Variants in PRSS55 observed in about 807,000 individuals in gnomAD.
PRSS55 encodes probable serine protease UNQ9391/PRO34284.
Under a neutral mutation model 23.6 loss-of-function variants are expected in PRSS55, and 41 were observed. The ratio of observed to expected loss-of-function variants is 1.74; its 90% confidence interval spans 1.35 to 2.26. The LOEUF is 2.26. PRSS55 is among the 30% of genes most tolerant of loss of function. The probability of loss-of-function intolerance (pLI) is 0.00; values close to 1 mark genes in which losing one functional copy is unlikely to be tolerated. For synonymous variants in PRSS55, 262 were observed against 175.5 expected, an observed-to-expected ratio of 1.49 and a Z score of -3.90; for missense variants, 669 against 439.1, an observed-to-expected ratio of 1.52 and a Z score of -4.68.
At chr8:10,552,690 A>C (rs559611428) in intron 4 of PRSS55, among the ~76,000 whole-genome samples, 2 of 152,228 alleles carry the variant, frequency 1.3e-5, no homozygotes, top group East Asian at 1.9e-4. Context: ...CTAATCATCA[A>C]GGAAATGCAA....
chr8:10,528,922 T>C (rs1436043189), intron 1 of PRSS55, among the ~76,000 whole-genome samples: 3 of 152,162 alleles, frequency 2.0e-5, no homozygotes, highest in Non-Finnish European at 4.4e-5. Flanking sequence ...TCTCTTTGCC[T>C]TTCCTCTGCA....
intron 1 of PRSS55, among the ~76,000 whole-genome samples, chr8:10,527,851 T>C (rs544623232): frequency 6.6e-6 from 1 of 152,350 alleles, no homozygotes; most frequent in Admixed American, 6.5e-5. Flanking sequence ...TGCAAAGTGC[T>C]TGCAACAGTG....
At chr8:10,538,824 G>C, downstream of PRSS55, 2 of 1,524,028 alleles carry the variant, frequency 1.3e-6, no homozygotes, top group South Asian at 2.6e-5. Flanking sequence ...TTTCAACCGA[G>C]GGAGGGTGCA....
At chr8:10,538,395 C>A in intron 4 of PRSS55, 81 bp from the exon 5 acceptor site, 1 of 1,126,234 alleles carries the variant, frequency 8.9e-7, no homozygotes, top group Non-Finnish European at 1.3e-6. Context: ...GCTGAGGAAT[C>A]TTCCATGAAT....
chr8:10,553,121 A>G (rs1244640065), intron 4 of PRSS55, among the ~76,000 whole-genome samples: 1 of 152,190 alleles, frequency 6.6e-6, no homozygotes, highest in Non-Finnish European at 1.5e-5. Context: ...GCAGTTTTCC[A>G]TATGCTATTC....
At chr8:10,532,834 C>A in intron 3 of PRSS55, 72 bp from the exon 4 acceptor site, 1 of 1,590,850 alleles carries the variant, frequency 6.3e-7, no homozygotes, top group Non-Finnish European at 8.6e-7. Context: ...GCCGAGGGCA[C>A]AGTCAGCTGC....
downstream of PRSS55, chr8:10,538,850 A>C: frequency 2.0e-6 from 3 of 1,469,798 alleles, no homozygotes; most frequent in Non-Finnish European, 2.7e-6. Context: ...GTGCGTCTCC[A>C]GCAGAGGCTC....
exon 5 of PRSS55, chr8:10,553,978 C>T (rs774526125): frequency 1.8e-5 from 27 of 1,530,196 alleles, no homozygotes; most frequent in African/African-American, 4.1e-5. Flanking sequence ...GAATGAACAC[C>T]GGAAGCTCTC....
chr8:10,527,864 T>G (rs975969792), intron 1 of PRSS55, among the ~76,000 whole-genome samples: 1 of 152,222 alleles, frequency 6.6e-6, no homozygotes, highest in Admixed American at 6.5e-5. Context: ...CAACAGTGCC[T>G]GACGCACAGT....
downstream of PRSS55, among the ~76,000 whole-genome samples, chr8:10,542,169 A>T (rs1390815345): frequency 2.0e-5 from 3 of 152,136 alleles, no homozygotes; most frequent in Non-Finnish European, 4.4e-5. Flanking sequence ...AGGCTACAGG[A>T]TTATCATGTG....
downstream of PRSS55, among the ~76,000 whole-genome samples, chr8:10,542,414 C>G (rs1375125548): frequency 2.1e-4 from 17 of 79,728 alleles, no homozygotes; most frequent in East Asian, 3.6e-4. Flanking sequence ...AAGCACCATG[C>G]GGGGGAAAAA....
downstream of PRSS55, among the ~76,000 whole-genome samples, chr8:10,543,434 TC>T (rs1812719359): frequency 6.7e-5 from 1 of 14,896 alleles, no homozygotes; most frequent in South Asian, 0.017. Context: ...CTTCCTTCCT[TC>T]CTTCCTTCCA....
chr8:10,552,310 G>A (rs1272455233), intron 4 of PRSS55, among the ~76,000 whole-genome samples: 1 of 152,184 alleles, frequency 6.6e-6, no homozygotes. Flanking sequence ...ACGGATGGCT[G>A]GAGGCCTCCA....
intron 4 of PRSS55, among the ~76,000 whole-genome samples, chr8:10,535,188 A>ACATT (rs1253895137): frequency 2.0e-5 from 3 of 152,228 alleles, no homozygotes; most frequent in African/African-American, 7.2e-5. Context: ...ACTACCAATG[A>ACATT]CATTATTCAC....
At chr8:10,532,090 G>T (rs1812288449) in intron 3 of PRSS55, among the ~76,000 whole-genome samples, 1 of 152,180 alleles carries the variant, frequency 6.6e-6, no homozygotes, top group South Asian at 2.1e-4. Flanking sequence ...AAAGCAAATA[G>T]ATAGGGGAGG....
At chr8:10,541,700 G>GA (rs1193155993), downstream of PRSS55, 10 of 152,264 alleles carry the variant, frequency 6.6e-5, no homozygotes, top group Middle Eastern at 3.4e-3. Context: ...TAATATGGGG[G>GA]AAGAGCTTCT....
At chr8:10,532,831 G>A (rs896095376) in intron 3 of PRSS55, 75 bp from the exon 4 acceptor site, 2 of 1,583,988 alleles carry the variant, frequency 1.3e-6, no homozygotes, top group Non-Finnish European at 8.6e-7. Flanking sequence ...AGGGCCGAGG[G>A]CACAGTCAGC....
downstream of PRSS55, chr8:10,541,225 G>A (rs1421247457): frequency 6.6e-6 from 1 of 152,340 alleles, no homozygotes; most frequent in Non-Finnish European, 1.5e-5. Flanking sequence ...AGGCTGCTGG[G>A]GAGTGTGGTG....
intron 3 of PRSS55, 144 bp from the exon 4 acceptor site, chr8:10,532,762 C>G (rs927781293): frequency 3.1e-6 from 3 of 971,514 alleles, no homozygotes; most frequent in African/African-American, 1.6e-5. Flanking sequence ...ATGGGGTAAC[C>G]TGAAGGAAGT....
Sources: gnomAD v4.1 joint callset for allele counts (sites outside exome capture counted in the v4.1 genomes callset) on GRCh38, gnomAD v4.1.1 for gene constraint, MANE v1.5 for transcripts, NCBI Gene and HGNC (gene_info 2026-07-23, HGNC 2026-07-21) for gene names.